The following GABRB2 variants were observed in gnomAD, a reference collection of about 807,000 sequenced individuals.
The protein encoded by GABRB2 is gamma-aminobutyric acid type A receptor subunit beta2, also known as gamma-aminobutyric acid receptor subunit beta-2.
A neutral mutation model predicts 54.7 loss-of-function variants in GABRB2; 16 were observed. The observed-to-expected ratio is 0.29, with a 90% CI of 0.20 to 0.44. The LOEUF is 0.44. Among genes scored for constraint, GABRB2 ranks in the 20% least tolerant of loss-of-function variants. GABRB2 has a pLI of 1.00. For synonymous variants in GABRB2, 244 were observed against 233.8 expected (o/e 1.04, Z -0.40); for missense variants, 355 against 644.0 (o/e 0.55, Z 4.86).
chr5:161,386,752 G>A (rs1433058057), intron 5 of GABRB2, among the ~76,000 whole-genome samples: 5 of 150,896 alleles, frequency 3.3e-5, no homozygotes, highest in African/African-American at 1.2e-4. Context: ...ATGTTGCCCA[G>A]GCTGGTCTCC....
chr5:161,494,421 A>T (rs568310917), intron 3 of GABRB2, among the ~76,000 whole-genome samples: 1 of 151,946 alleles, frequency 6.6e-6, no homozygotes, highest in South Asian at 2.1e-4. Flanking sequence ...TCCTAGCTCC[A>T]ATATGTAAAT....
At chr5:161,509,636 C>T (rs1759705629) in intron 3 of GABRB2, among the ~76,000 whole-genome samples, 1 of 151,842 alleles carries the variant, frequency 6.6e-6, no homozygotes, top group Non-Finnish European at 1.5e-5. Flanking sequence ...TAAATATTTC[C>T]CAATCATCTC....
At chr5:161,518,780 T>C (rs1465648911) in intron 3 of GABRB2, among the ~76,000 whole-genome samples, 3 of 152,206 alleles carry the variant, frequency 2.0e-5, no homozygotes, top group Admixed American at 1.3e-4. Context: ...CCTTAAAGCA[T>C]GCTCATTATT....
chr5:161,447,544 A>T (rs1475320774), intron 4 of GABRB2, among the ~76,000 whole-genome samples: 2 of 152,122 alleles, frequency 1.3e-5, no homozygotes, highest in African/African-American at 4.8e-5. Flanking sequence ...TTCTGTCCAT[A>T]AGAGTGCAGA....
chr5:161,339,112 TA>T (rs1437123390), intron 5 of GABRB2, among the ~76,000 whole-genome samples: 1 of 152,140 alleles, frequency 6.6e-6, no homozygotes, highest in Non-Finnish European at 1.5e-5. Context: ...CTACCTTTGA[TA>T]AACCAGTTCA....
chr5:161,292,036 T>A lies in GABRB2; in HGVS notation c.*2045A>T, dbSNP rs1450065826. ...TTGGTCAGATTCTGCCCAAAGATGA[T>A]ACTCAGAGGTGCTCAAGATTATGTA... On this transcript the variant is annotated 3_prime_UTR_variant, in exon 10 of 10. Coordinates refer to ENST00000393959, the MANE Select transcript of GABRB2 (RefSeq NM_001371727.1). 1 of 152,190 alleles carries A rather than the reference T, an allele frequency of 6.6e-6. No individual in the cohort carries two copies. Among genetic ancestry groups the A allele is most frequent in the Non-Finnish European group, 1.5e-5 (1 of 68,014 alleles). The allele number at this position is 152,190 out of a possible 1,614,324, so 9.4% of individuals were successfully genotyped here. A position where few individuals can be genotyped will look rare whatever the true frequency, so the allele number is the denominator to read the frequency against.
At chr5:161,336,861 A>G (rs1754011080) in intron 5 of GABRB2, 92 bp from the exon 6 acceptor site, 17 of 1,313,230 alleles carry the variant, frequency 1.3e-5, no homozygotes, top group Non-Finnish European at 1.7e-5. Flanking sequence ...TGTTTAGAAG[A>G]TGACCTATAT....
chr5:161,330,832 G>A (rs898812321), intron 8 of GABRB2, 51 bp downstream of exon 8: 1 of 1,611,872 alleles, frequency 6.2e-7, no homozygotes, highest in Admixed American at 1.7e-5. Context: ...TGTATTGCTA[G>A]CATTCTTCCA....
At chr5:161,336,066 A>C (rs986280007) in intron 6 of GABRB2, among the ~76,000 whole-genome samples, 4 of 152,220 alleles carry the variant, frequency 2.6e-5, no homozygotes, top group Non-Finnish European at 5.9e-5. Flanking sequence ...GAAATAAAGT[A>C]TGACCATATA....
chr5:161,319,561 T>C (rs1404101733), intron 9 of GABRB2, among the ~76,000 whole-genome samples: 1 of 151,396 alleles, frequency 6.6e-6, no homozygotes, highest in Non-Finnish European at 1.5e-5. Flanking sequence ...AGTTGAAAAA[T>C]CAATTTCAAA....
rs981300732 is a variant in GABRB2, at chr5:161,294,272, T to C, written c.1348A>G (p.Ser450Gly). Residue 450 changes from serine (S) to glycine (G), a missense_variant, in exon 10 of 10, where the codon AGT becomes GGT. Physicochemically the swap from Ser to Gly is moderately conservative, Grantham distance 56. Coordinates refer to ENST00000393959, the MANE Select transcript of GABRB2 (RefSeq NM_001371727.1). ...QYRKAGLPRH[S>G]FGRNALERHV... ...CGTTCCAGAGCATTTCGGCCAAAAC[T>C]ATGCCTGGGCAACCCAGCTTTCCGA... 2 of 1,614,168 alleles carry C rather than the reference T, an allele frequency of 1.2e-6. No homozygotes were observed. Among genetic ancestry groups the C allele is most frequent in the South Asian group, 2.2e-5 (2 of 91,086 alleles).
intron 4 of GABRB2, among the ~76,000 whole-genome samples, chr5:161,448,919 C>T (rs1224314633): frequency 6.6e-6 from 1 of 152,082 alleles, no homozygotes; most frequent in Non-Finnish European, 1.5e-5. Flanking sequence ...TGCATCAGTC[C>T]ATATTGTGGA....
At chr5:161,350,429 A>G (rs890241191) in intron 5 of GABRB2, among the ~76,000 whole-genome samples, 4 of 152,190 alleles carry the variant, frequency 2.6e-5, no homozygotes, top group African/African-American at 9.6e-5. Flanking sequence ...CAATAAAACA[A>G]TTCAATTTAT....
intron 5 of GABRB2, among the ~76,000 whole-genome samples, chr5:161,402,321 A>C (rs1387028975): frequency 6.6e-6 from 1 of 152,130 alleles, no homozygotes; most frequent in African/African-American, 2.4e-5. Context: ...AATACTCTTA[A>C]ATTTTTTAAA....
intron 5 of GABRB2, among the ~76,000 whole-genome samples, chr5:161,391,681 A>G (rs190053194): frequency 1.2e-3 from 181 of 152,340 alleles, no homozygotes; most frequent in Non-Finnish European, 2.0e-3. Flanking sequence ...CTTTCTTTCT[A>G]TATGCAAAAT....
At chr5:161,460,036 C>T (rs891281338) in intron 3 of GABRB2, among the ~76,000 whole-genome samples, 192 bp from the exon 4 acceptor site, 6 of 152,192 alleles carry the variant, frequency 3.9e-5, no homozygotes, top group Admixed American at 3.9e-4. Context: ...CCTCCCTCTC[C>T]CAGGTTCAAG....
chr5:161,466,649 G>A (rs971556425), intron 3 of GABRB2, among the ~76,000 whole-genome samples: 2 of 152,004 alleles, frequency 1.3e-5, no homozygotes, highest in Non-Finnish European at 2.9e-5. Flanking sequence ...GCCACTTGAA[G>A]CTATAGAACT....
intron 5 of GABRB2, among the ~76,000 whole-genome samples, chr5:161,407,949 TG>T (rs1298662454): frequency 1.3e-5 from 2 of 152,076 alleles, no homozygotes; most frequent in African/African-American, 2.4e-5. Context: ...AGAAAAGTTA[TG>T]AAGTCGGTGT....
intron 5 of GABRB2, among the ~76,000 whole-genome samples, chr5:161,366,629 A>C (rs1032403307): frequency 6.6e-6 from 1 of 152,160 alleles, no homozygotes. Flanking sequence ...AAATGCATGA[A>C]TGGTACCCTA....
Sources: gnomAD v4.1 joint callset for allele counts (sites outside exome capture counted in the v4.1 genomes callset) on GRCh38, gnomAD v4.1.1 for gene constraint, MANE v1.5 for transcripts, NCBI Gene and HGNC (gene_info 2026-07-23, HGNC 2026-07-21) for gene names.